Variants in THSD7B observed in about 807,000 individuals in gnomAD.
THSD7B encodes the protein thrombospondin type 1 domain containing 7B, also known as thrombospondin type-1 domain-containing protein 7B.
THSD7B carries 138 observed loss-of-function variants against 213.6 expected under a neutral mutation model. The observed-to-expected ratio is 0.65, with a 90% CI of 0.56 to 0.74. THSD7B has a LOEUF of 0.74. THSD7B is among the 30% of genes least tolerant of loss of function. THSD7B has a pLI of 0.00. For missense variants in THSD7B, 1,931 were observed against 1,991.5 expected, an observed-to-expected ratio of 0.97 and a Z score of 0.58; for synonymous variants, 742 against 687.0, an observed-to-expected ratio of 1.08 and a Z score of -1.25.
chr2:136,896,626 A>T (rs1683964661), intron 2 of THSD7B, among the ~76,000 whole-genome samples: 1 of 152,120 alleles, frequency 6.6e-6, no homozygotes, highest in African/African-American at 2.4e-5. Flanking sequence ...TGCCCTGTTC[A>T]GAGTCTCAAG....
At chr2:137,362,110 A>C (rs1356797679) in intron 12 of THSD7B, among the ~76,000 whole-genome samples, 1 of 152,204 alleles carries the variant, frequency 6.6e-6, no homozygotes, top group African/African-American at 2.4e-5. Flanking sequence ...TTTTCAACCC[A>C]GAATTTCATA....
At chr2:137,374,850 A>G (rs994718716) in intron 12 of THSD7B, among the ~76,000 whole-genome samples, 3 of 152,176 alleles carry the variant, frequency 2.0e-5, no homozygotes, top group African/African-American at 7.2e-5. Context: ...GCATATCAAT[A>G]CACTTGAGTT....
intron 12 of THSD7B, among the ~76,000 whole-genome samples, chr2:137,326,420 A>C (rs958837936): frequency 2.0e-5 from 3 of 152,186 alleles, no homozygotes; most frequent in African/African-American, 7.2e-5. Context: ...AGCCCCCCAC[A>C]CATTCTTAAC....
intron 1 of THSD7B, among the ~76,000 whole-genome samples, chr2:136,792,874 C>T (rs1300968541): frequency 6.6e-6 from 1 of 151,904 alleles, no homozygotes; most frequent in East Asian, 1.9e-4. Context: ...TTTCTCTTAC[C>T]AGGATGTTTT....
rs912842322 is a variant in THSD7B at position 137,173,887 on chromosome 2, A to G, written c.1723+2949A>G. On this transcript the variant is annotated intron_variant, in intron 7 of 27. Coordinates refer to ENST00000409968, the MANE Select transcript of THSD7B (RefSeq NM_001316349.2). ...TACAGGAGTTGACAGAACTGTTGAC[A>G]TTAATTTAAATGCCTGGAGAATGAC... 1.2e-4 allele frequency among the ~76,000 whole-genome samples: 19 copies of G among 152,334 alleles called. No individual in the cohort carries two copies. In the East Asian group the frequency reaches 3.5e-3, roughly 28 times the overall value.
intron 15 of THSD7B, among the ~76,000 whole-genome samples, chr2:137,456,059 AT>A (rs1687756254): frequency 6.6e-6 from 1 of 152,196 alleles, no homozygotes; most frequent in South Asian, 2.1e-4. Flanking sequence ...AGTACATACT[AT>A]TTAAATGCAT....
rs1411289790 is a variant in THSD7B, at chr2:137,309,772, TG to T, written c.2500+33748del. 3.9e-5 allele frequency among the ~76,000 whole-genome samples: 6 copies of T among 152,148 alleles called. No homozygotes were observed. The East Asian group carries it at 1.2e-3, about 29-fold the overall frequency. On this transcript the variant is annotated intron_variant, in intron 12 of 27. Transcript: ENST00000409968. ...TGTGCGGTGTTTGGTTTTTTGTTCT[TG>T]GCGATAGTTTACTGAGAATGATGAT...
chr2:136,972,438 A>G (rs910862331), intron 2 of THSD7B, among the ~76,000 whole-genome samples: 5 of 152,174 alleles, frequency 3.3e-5, no homozygotes, highest in African/African-American at 9.6e-5. Flanking sequence ...TGGTCTTTTA[A>G]TGTTATTTGA....
At chr2:137,007,215 A>G (rs142705124) in intron 2 of THSD7B, among the ~76,000 whole-genome samples, 4 of 152,306 alleles carry the variant, frequency 2.6e-5, no homozygotes, top group African/African-American at 4.8e-5. Context: ...TCATGTTGTA[A>G]AAATGGGCAC....
At chr2:137,101,575 G>A (rs1573823316) in intron 4 of THSD7B, among the ~76,000 whole-genome samples, 1 of 152,142 alleles carries the variant, frequency 6.6e-6, no homozygotes, top group African/African-American at 2.4e-5. Context: ...CTGAAGGCGG[G>A]GAGCCAAGTG....
chr2:137,052,034 T>TA (rs1443534408), intron 2 of THSD7B, among the ~76,000 whole-genome samples: 3 of 152,172 alleles, frequency 2.0e-5, no homozygotes, highest in African/African-American at 7.2e-5. Flanking sequence ...AGCATTCACA[T>TA]ATTTGCATTT....
At chr2:136,993,044 TACTC>T (rs763467741) in intron 2 of THSD7B, among the ~76,000 whole-genome samples, 1 of 152,216 alleles carries the variant, frequency 6.6e-6, no homozygotes, top group Non-Finnish European at 1.5e-5. Flanking sequence ...CTGGAGCAAA[TACTC>T]AGTCAAGTGA....
At chr2:137,117,458 A>T (rs991000549) in intron 5 of THSD7B, among the ~76,000 whole-genome samples, 1 of 152,202 alleles carries the variant, frequency 6.6e-6, no homozygotes, top group East Asian at 1.9e-4. Context: ...TTCTGTGAAC[A>T]TCAAATTATT....
intron 15 of THSD7B, among the ~76,000 whole-genome samples, chr2:137,477,809 A>G (rs991266493): frequency 6.6e-6 from 1 of 152,004 alleles, no homozygotes; most frequent in Non-Finnish European, 1.5e-5. Flanking sequence ...TTGTCTAGGA[A>G]AGACTTTTTT....
chr2:137,293,659 T>C lies in THSD7B; in HGVS notation c.2500+17633T>C, dbSNP rs370527034. 8.4e-4 allele frequency among the ~76,000 whole-genome samples: 128 copies of C among 152,208 alleles called. 1 individual carries two copies. The East Asian group carries it at 0.02, about 24-fold the overall frequency. ...TTCTGTATCGAACAGAATGGCATCA[T>C]TGAAAAATTACTCTGAAATTTTCCC... is the stretch of plus-strand genomic sequence containing the variant. On this transcript the variant is annotated intron_variant, in intron 12 of 27. Coordinates refer to ENST00000409968, the MANE Select transcript of THSD7B (RefSeq NM_001316349.2).
intron 2 of THSD7B, among the ~76,000 whole-genome samples, chr2:136,969,158 G>A (rs180859534): frequency 6.6e-5 from 10 of 152,146 alleles, no homozygotes; most frequent in African/African-American, 2.4e-4. Flanking sequence ...AGACTTCTTG[G>A]ATTTTTCTTT....
intron 24 of THSD7B, among the ~76,000 whole-genome samples, chr2:137,657,892 T>A (rs2104818606): frequency 6.6e-6 from 1 of 152,320 alleles, no homozygotes; most frequent in East Asian, 1.9e-4. Context: ...TTTTTGTGTT[T>A]AGTACAGACA....
chr2:137,333,571 C>G (rs182189359), intron 12 of THSD7B, among the ~76,000 whole-genome samples: 5 of 152,174 alleles, frequency 3.3e-5, no homozygotes, highest in African/African-American at 9.7e-5. Context: ...GCACTTCATC[C>G]TTCTCTGCTC....
chr2:136,794,374 G>T (rs1682023818), intron 1 of THSD7B, among the ~76,000 whole-genome samples: 1 of 151,390 alleles, frequency 6.6e-6, no homozygotes, highest in South Asian at 2.1e-4. Context: ...TGCCTTAGTT[G>T]CATTCCATAA....
Sources: gnomAD v4.1 joint callset for allele counts (sites outside exome capture counted in the v4.1 genomes callset) on GRCh38, gnomAD v4.1.1 for gene constraint, MANE v1.5 for transcripts, NCBI Gene and HGNC (gene_info 2026-07-23, HGNC 2026-07-21) for gene names.